Variants in IL1RAPL1 observed in about 807,000 individuals in gnomAD.
The protein encoded by IL1RAPL1 is interleukin-1 receptor accessory protein-like 1.
In IL1RAPL1, 3 loss-of-function variants were observed where a neutral mutation model predicts 48.4. The observed-to-expected ratio is 0.06, with a 90% CI of 0.03 to 0.16. The LOEUF (loss-of-function observed/expected upper bound fraction) is 0.16. IL1RAPL1 is among the 10% of genes least tolerant of loss of function. The pLI is 1.00. For missense variants in IL1RAPL1, 349 were observed against 530.6 expected, an observed-to-expected ratio of 0.66 and a Z score of 3.36; for synonymous variants, 185 against 187.7, an observed-to-expected ratio of 0.99 and a Z score of 0.12.
intron 5 of IL1RAPL1, among the ~76,000 whole-genome samples, chrX:29,530,734 G>A (rs1328360588): frequency 1.8e-5 from 2 of 112,094 alleles, no homozygotes; most frequent in Admixed American, 1.9e-4. Context: ...TGGTGAGGCA[G>A]AAATCTGCTG....
At chrX:29,914,641 T>C (rs1932783280) in intron 6 of IL1RAPL1, among the ~76,000 whole-genome samples, 1 of 111,467 alleles carries the variant, frequency 9.0e-6, no homozygotes, top group South Asian at 3.8e-4. Flanking sequence ...TTGAGACTTA[T>C]TATTGAATTC....
intron 6 of IL1RAPL1, among the ~76,000 whole-genome samples, chrX:29,755,663 A>G (rs1928592999): frequency 8.9e-6 from 1 of 112,471 alleles, no homozygotes; most frequent in African/African-American, 3.2e-5. Flanking sequence ...TTTAAAGTAA[A>G]TAAAACCACA....
chrX:29,203,738 T>C (rs964419627), intron 2 of IL1RAPL1, among the ~76,000 whole-genome samples: 1 of 92,233 alleles, frequency 1.1e-5, no homozygotes, highest in Non-Finnish European at 2.0e-5. Context: ...TATATATATA[T>C]ATATATATAT....
chrX:28,701,968 T>C (rs985417905), intron 1 of IL1RAPL1, among the ~76,000 whole-genome samples: 7 of 111,903 alleles, frequency 6.3e-5, no homozygotes, highest in Non-Finnish European at 1.3e-4. Flanking sequence ...TATTTTCAAA[T>C]AACCATTCTA....
In IL1RAPL1 at chrX:29,112,799, T is replaced by G. The variant is rs761259234; in HGVS notation, c.83-170139T>G. 3.1e-3 allele frequency among the ~76,000 whole-genome samples: 314 copies of G among 101,448 alleles called. 2 individuals carry two copies. Among genetic ancestry groups the G allele is most frequent in the African/African-American group, 9.7e-3 (264 of 27,323 alleles). The allele number at this position is 101,448 out of a possible 115,157, so 88.1% of individuals were successfully genotyped here. A position where few individuals can be genotyped will look rare whatever the true frequency, so the allele number is the denominator to read the frequency against. On this transcript the variant is annotated intron_variant, in intron 2 of 10. Coordinates refer to ENST00000378993, the MANE Select transcript of IL1RAPL1 (RefSeq NM_014271.4). ...AGAAGGCATGTCAACTTTGGTTTTT[T>G]TTTTTTTTTTTTTTTCCTGAGGTGG...
chrX:28,799,894 G>A (rs760316073), intron 2 of IL1RAPL1, among the ~76,000 whole-genome samples: 2 of 111,376 alleles, frequency 1.8e-5, no homozygotes, highest in Non-Finnish European at 3.8e-5. Context: ...AAGTCAATTC[G>A]GAACATACAA....
At chrX:28,981,686 T>C (rs982603350) in intron 2 of IL1RAPL1, among the ~76,000 whole-genome samples, 5 of 111,707 alleles carry the variant, frequency 4.5e-5, no homozygotes, top group Non-Finnish European at 9.4e-5. Flanking sequence ...ACCATCTGAA[T>C]GTGGTAAAAA....
At position 29,288,862 on chromosome X, in the gene IL1RAPL1, C is replaced by T. The variant is rs187509301; in HGVS notation, c.362+5645C>T. Among the ~76,000 whole-genome samples the T allele has an allele frequency of 1.7e-3, 190 of 111,794 alleles. No homozygotes were observed. In the Middle Eastern group the frequency reaches 0.023, roughly 14 times the overall value. On this transcript the variant is annotated intron_variant, in intron 3 of 10. Transcript: ENST00000378993. ...TTTTAATAATCGCCATTCTGACTGG[C>T]GTGAGATGGTACCTCATTGTGGTTT...
intron 1 of IL1RAPL1, among the ~76,000 whole-genome samples, chrX:28,667,516 A>G (rs1569148465): frequency 8.9e-6 from 1 of 111,868 alleles, no homozygotes; most frequent in African/African-American, 3.3e-5. Flanking sequence ...TACTGTGAAC[A>G]CATTTTTGTC....
intron 6 of IL1RAPL1, among the ~76,000 whole-genome samples, chrX:29,701,603 G>A (rs1927047504): frequency 1.8e-5 from 2 of 111,463 alleles, no homozygotes; most frequent in African/African-American, 3.3e-5. Context: ...GAATATAAAC[G>A]AATCTAGAAT....
At chrX:29,688,735 T>TCTCTCC (rs5901927) in intron 6 of IL1RAPL1, among the ~76,000 whole-genome samples, 40,090 of 104,863 alleles carry the variant, frequency 0.38, 6,021 homozygotes, top group South Asian at 0.5. Flanking sequence ...TGCTTCTCTC[T>TCTCTCC]CTCTCTCTCT....
intron 6 of IL1RAPL1, among the ~76,000 whole-genome samples, chrX:29,692,531 C>T (rs1461643950): frequency 1.8e-5 from 2 of 111,929 alleles, no homozygotes; most frequent in Non-Finnish European, 3.8e-5. Context: ...TTTTCTAATA[C>T]GTATTTGTAA....
chrX:29,010,576 A>G (rs1353053917), intron 2 of IL1RAPL1, among the ~76,000 whole-genome samples: 5 of 112,285 alleles, frequency 4.5e-5, no homozygotes, highest in Admixed American at 3.8e-4. Flanking sequence ...TGCAGTTATT[A>G]ACATGATCTC....
intron 2 of IL1RAPL1, among the ~76,000 whole-genome samples, chrX:28,819,666 T>C (rs1403285935): frequency 9.1e-6 from 1 of 109,730 alleles, no homozygotes; most frequent in Non-Finnish European, 1.9e-5. Flanking sequence ...CATTTAGTTA[T>C]ATAAATCATT....
intron 2 of IL1RAPL1, among the ~76,000 whole-genome samples, chrX:28,995,181 TA>T (rs752054783): frequency 8.9e-6 from 1 of 111,899 alleles, no homozygotes; most frequent in Non-Finnish European, 1.9e-5. Context: ...ATATTTATTT[TA>T]AAAAATATTT....
chrX:29,856,145 G>A (rs1229871977), intron 6 of IL1RAPL1, among the ~76,000 whole-genome samples: 4 of 111,643 alleles, frequency 3.6e-5, no homozygotes, highest in Non-Finnish European at 7.5e-5. Flanking sequence ...GCTCCAGCAC[G>A]AGTTGAGAAA....
chrX:28,950,725 G>A (rs1924436015), intron 2 of IL1RAPL1, among the ~76,000 whole-genome samples: 1 of 106,734 alleles, frequency 9.4e-6, no homozygotes, highest in Non-Finnish European at 1.9e-5. Flanking sequence ...GATTCCTCAG[G>A]GATCTAGAAC....
At chrX:29,907,350 C>CT (rs895596099) in intron 6 of IL1RAPL1, among the ~76,000 whole-genome samples, 1 of 110,864 alleles carries the variant, frequency 9.0e-6, no homozygotes, top group East Asian at 2.8e-4. Context: ...TAATCTTGCA[C>CT]TTTTTTGTTA....
chrX:28,961,470 G>C lies in IL1RAPL1; in HGVS notation c.82+172045G>C, dbSNP rs189603665. On this transcript the variant is annotated intron_variant, in intron 2 of 10. Coordinates refer to ENST00000378993, the MANE Select transcript of IL1RAPL1 (RefSeq NM_014271.4). ...TAGGTTTTAAGCCCCGCATGCATTA[G>C]GTATTTGTCCTAATGCTCTCCCACC... Among the ~76,000 whole-genome samples the C allele has an allele frequency of 2.1e-4, 23 of 111,057 alleles. No homozygotes were observed. In the South Asian group the frequency reaches 2.3e-3, roughly 11 times the overall value.
Sources: gnomAD v4.1 joint callset for allele counts (sites outside exome capture counted in the v4.1 genomes callset) on GRCh38, gnomAD v4.1.1 for gene constraint, MANE v1.5 for transcripts, NCBI Gene and HGNC (gene_info 2026-07-23, HGNC 2026-07-21) for gene names.